Variants in ZNF416 observed in about 807,000 individuals in gnomAD.
The protein encoded by ZNF416 is zinc finger protein 416.
Under a neutral mutation model 10.9 loss-of-function variants are expected in ZNF416, and 5 were observed. The ratio of observed to expected loss-of-function variants is 0.46; its 90% confidence interval spans 0.24 to 0.97. ZNF416 has a LOEUF of 0.97. Ranked by LOEUF, ZNF416 falls within the 50% of genes least tolerant of loss-of-function variation. The pLI, the probability that ZNF416 is intolerant of heterozygous loss-of-function variation, is 0.19. For missense variants in ZNF416, 675 were observed against 715.0 expected, an observed-to-expected ratio of 0.94 and a Z score of 0.64; for synonymous variants, 267 against 251.8, an observed-to-expected ratio of 1.06 and a Z score of -0.57.
rs1386741870 is a variant in ZNF416 at position 57,573,631 on chromosome 19, G to C, written c.273C>G (p.Val91=). Residue 91 remains valine (V), a synonymous_variant, in exon 4 of 4, where the codon GTC becomes GTG. Coordinates refer to ENST00000196489, the MANE Select transcript of ZNF416 (RefSeq NM_017879.3). ...TGGATGGACTGGCCTCTGGAGTCCT[G>C]ACCTGAGGTACTCCTTCTACAGAAA... ...QSVSVEGVPQ[V]RTPEASPSTQ... is the part of the protein sequence containing the mutation. 1.2e-6 allele frequency: 2 copies of C among 1,614,042 alleles called. No homozygotes were observed. Among genetic ancestry groups the C allele is most frequent in the Non-Finnish European group, 1.7e-6 (2 of 1,180,020 alleles).
At position 57,575,826 on chromosome 19, in the gene ZNF416, G is replaced by A; in HGVS notation, c.180C>T (p.Asn60=). 6.2e-7 allele frequency: 1 copy of A among 1,614,104 alleles called. No homozygotes were observed. The highest frequency in any genetic ancestry group is 8.5e-7 in the Non-Finnish European group (1 of 1,180,012). Residue 60 remains asparagine (N), a synonymous_variant, in exon 3 of 4, where the codon AAC becomes AAT. Transcript: ENST00000196489. The surrounding 1 kb of genome is among the most constrained non-coding windows in gnomAD (Gnocchi z 4.4). ...RLLYRDVMLE[N]FALITALVCW... Reference sequence around the variant, plus strand: ...TACCCAGCGCAGTTATAAGTGCAAAGTTCTCCAGCATCACATCGCGGTACA... The same window carrying A: ...TACCCAGCGCAGTTATAAGTGCAAAATTCTCCAGCATCACATCGCGGTACA...
chr19:57,572,675 T>C lies in ZNF416; in HGVS notation c.1229A>G (p.Tyr410Cys). ...HQRIHTTARP[Y>C]ECGQCGKSFS... Reference sequence around the variant, plus strand: ...TGATTTCCCACACTGGCCACACTCATAAGGCCTTGCTGTAGTGTGAATTCT... The same window carrying C: ...TGATTTCCCACACTGGCCACACTCACAAGGCCTTGCTGTAGTGTGAATTCT... Residue 410 changes from tyrosine (Y) to cysteine (C), a missense_variant, in exon 4 of 4, where the codon TAT (tyrosine) becomes TGT (cysteine). By Grantham distance (194) the Tyr-to-Cys change is radical (BLOSUM62 -2). Coordinates refer to ENST00000196489, the MANE Select transcript of ZNF416 (RefSeq NM_017879.3). This position sits in a 1 kb window ranked among gnomAD's most constrained non-coding sequence, Gnocchi z 4.5. 1 of 1,614,186 alleles carries C rather than the reference T, an allele frequency of 6.2e-7. No homozygotes were observed. Among genetic ancestry groups the C allele is most frequent in the Non-Finnish European group, 8.5e-7 (1 of 1,180,024 alleles).
chr19:57,578,459 C>G (rs567358266), intron 1 of ZNF416: 1 of 548,638 alleles, frequency 1.8e-6, no homozygotes, highest in South Asian at 3.0e-5. Context: ...CTGGCTCAAT[C>G]GTCCCAGCAA....
rs748931977 is a variant in ZNF416, at chr19:57,573,064, G to A, written c.840C>T (p.Ser280=). ...YECSECGKSF[S]QTSHLNDHRR... ...GATGATCATTCAGATGAGAGGTTTG[G>A]CTAAAAGATTTCCCACATTCACTGC... Residue 280 remains serine, a synonymous_variant, in exon 4 of 4, where the codon AGC becomes AGT. Coordinates refer to ENST00000196489, the MANE Select transcript of ZNF416 (RefSeq NM_017879.3). 5.0e-5 allele frequency: 80 copies of A among 1,613,792 alleles called. No homozygotes were observed. Among genetic ancestry groups the A allele is most frequent in the Non-Finnish European group, 6.3e-5 (74 of 1,179,978 alleles).
chr19:57,575,571 C>T lies in ZNF416; in HGVS notation c.202+233G>A, dbSNP rs961595020. On this transcript the variant is annotated intron_variant, in intron 3 of 3. Transcript: ENST00000196489. The surrounding 1 kb of genome is among the most constrained non-coding windows in gnomAD (Gnocchi z 4.4). ...CCCAAAGAGGAAGTGAAGAAGTAAA[C>T]GGAGATGCATTAGGCTGACTCAAGA... Among the ~76,000 whole-genome samples the T allele has an allele frequency of 1.2e-4, 19 of 152,094 alleles. No homozygotes were observed. Among genetic ancestry groups the T allele is most frequent in the African/African-American group, 3.4e-4 (14 of 41,406 alleles).
intron 2 of ZNF416, among the ~76,000 whole-genome samples, 179 bp downstream of exon 2, chr19:57,577,878 G>A (rs551526103): frequency 6.6e-6 from 1 of 152,286 alleles, no homozygotes; most frequent in East Asian, 1.9e-4. Flanking sequence ...CTGGTTCCCA[G>A]CAATAGGAAC....
chr19:57,572,939 C>A lies in ZNF416; in HGVS notation c.965G>T (p.Gly322Val). ...TTCACCACACTCGTAAGGCCTTTCT[C>A]CAGTGTGAACTCTGTGATGTTTAAT... ...TLIKHHRVHTGERPYECGECG... is the reference protein window; with the variant it reads ...TLIKHHRVHTVERPYECGECG... Residue 322 changes from glycine to valine, a missense_variant, in exon 4 of 4, where the codon GGA (glycine) becomes GTA (valine). Physicochemically the swap from Gly to Val is moderately radical, Grantham distance 109 (BLOSUM62 -3). Transcript: ENST00000196489. The surrounding 1 kb of genome is among the most constrained non-coding windows in gnomAD (Gnocchi z 4.5). The A allele has an allele frequency of 6.2e-7, 1 of 1,614,130 alleles. No individual in the cohort carries two copies. Among genetic ancestry groups the A allele is most frequent in the Non-Finnish European group, 8.5e-7 (1 of 1,180,022 alleles).
In ZNF416 at chr19:57,572,473, G is replaced by A. The variant is rs781169978; in HGVS notation, c.1431C>T (p.Phe477=). 1 of 1,613,458 alleles carries A rather than the reference G, an allele frequency of 6.2e-7. No individual in the cohort carries two copies. Among genetic ancestry groups the A allele is most frequent in the Admixed American group, 1.7e-5 (1 of 59,964 alleles). Residue 477 remains phenylalanine, a synonymous_variant, in exon 4 of 4, where the codon TTC becomes TTT. Coordinates refer to ENST00000196489, the MANE Select transcript of ZNF416 (RefSeq NM_017879.3). This position sits in a 1 kb window ranked among gnomAD's most constrained non-coding sequence, Gnocchi z 4.5. ...VCGECGKAFM[F]KSKLVRHQRT... ...TCTGGTGCCTAACAAGTTTAGATTTGAACATAAAAGCTTTCCCACATTCCC... is the reference window on the plus strand; with the variant it reads ...TCTGGTGCCTAACAAGTTTAGATTTAAACATAAAAGCTTTCCCACATTCCC...
chr19:57,571,999 G>A lies in ZNF416; in HGVS notation c.*120C>T, dbSNP rs2090195640. 10 of 1,317,946 alleles carry A rather than the reference G, an allele frequency of 7.6e-6. No homozygotes were observed. In the South Asian group the frequency reaches 1.4e-4, roughly 19 times the overall value. The allele number at this position is 1,317,946 out of a possible 1,614,324, so 81.6% of individuals were successfully genotyped here. ...GACCCATCGGGAGGTCTAGAAGTAT[G>A]AGGTTTAACTTTAGGCAGACGGCTC... On this transcript the variant is annotated 3_prime_UTR_variant, in exon 4 of 4. Transcript: ENST00000196489.
intron 2 of ZNF416, among the ~76,000 whole-genome samples, chr19:57,577,322 T>C (rs1056768331): frequency 1.1e-4 from 16 of 152,234 alleles, no homozygotes; most frequent in African/African-American, 1.7e-4. Flanking sequence ...TCAAAATTTC[T>C]GATTATCTCT....
Position 57,572,358 on chromosome 19 carries a change from G to A in ZNF416, c.1546C>T (p.His516Tyr). The A allele has an allele frequency of 6.2e-7, 1 of 1,614,192 alleles. No individual in the cohort carries two copies. Among genetic ancestry groups the A allele is most frequent in the South Asian group, 1.1e-5 (1 of 91,078 alleles). The change falls in exon 4 of 4, where the codon CAC becomes TAC. Residue 516 changes from histidine (H) to tyrosine (Y), a missense_variant. Coordinates refer to ENST00000196489, the MANE Select transcript of ZNF416 (RefSeq NM_017879.3). This position sits in a 1 kb window ranked among gnomAD's most constrained non-coding sequence, Gnocchi z 4.5. The stretch of plus-strand genomic sequence containing the variant: ...CAGTCGTAAGGCCTTAATCCAGTGT[G>A]AATTTTCTGGTGTTCAACGAGGGTA... ...SYTLVEHQKI[H>Y]TGLRPYDCGQ...
chr19:57,573,331 A>AT lies in ZNF416; in HGVS notation c.572_573insA (p.Ile192TyrfsTer3), dbSNP rs775090606. The AT allele has an allele frequency of 6.2e-7, 1 of 1,614,248 alleles. No individual in the cohort carries two copies. Among genetic ancestry groups the AT allele is most frequent in the East Asian group, 2.2e-5 (1 of 44,886 alleles). ...TGTTTGGCTTCTCATAGTTAGCAAT[A>AT]GCTTGCGGCTGAAGAATGCCCAATG... On this transcript the variant is annotated frameshift_variant, in exon 4 of 4. Transcript: ENST00000196489. LOFTEE classifies it low-confidence loss of function (END_TRUNC).
At position 57,578,693 on chromosome 19, in the gene ZNF416, G is replaced by C. The variant is rs759469410; in HGVS notation, c.12C>G (p.Ala4=). The C allele has an allele frequency of 6.5e-7, 1 of 1,548,434 alleles. No individual in the cohort carries two copies. Among genetic ancestry groups the C allele is most frequent in the East Asian group, 2.5e-5 (1 of 39,696 alleles). ...TCACCGAAGTCGAATCCCTAAGCAC[G>C]GCCGCCGCCATCGGATTGTGAGCGG... MAA[A]VLRDSTSVPV... Residue 4 remains alanine, a synonymous_variant, in exon 1 of 4, where the codon GCC becomes GCG. Coordinates refer to ENST00000196489, the MANE Select transcript of ZNF416 (RefSeq NM_017879.3).
chr19:57,572,637 A>G lies in ZNF416; in HGVS notation c.1267T>C (p.Cys423Arg). 1 of 1,614,176 alleles carries G rather than the reference A, an allele frequency of 6.2e-7. No individual in the cohort carries two copies. Among genetic ancestry groups the G allele is most frequent in the Non-Finnish European group, 8.5e-7 (1 of 1,180,024 alleles). The change falls in exon 4 of 4, where the codon TGT (cysteine) becomes CGT (arginine). Residue 423 changes from cysteine to arginine, a missense_variant. Physicochemically the swap from Cys to Arg is radical, Grantham distance 180. Coordinates refer to ENST00000196489, the MANE Select transcript of ZNF416 (RefSeq NM_017879.3). The surrounding 1 kb of genome is among the most constrained non-coding windows in gnomAD (Gnocchi z 4.5). ...ATTAACTGGTGCTGAATGAGGCCACACTTTAGGCTAAATGATTTCCCACAC... is the reference window on the plus strand; with the variant it reads ...ATTAACTGGTGCTGAATGAGGCCACGCTTTAGGCTAAATGATTTCCCACAC... Reference protein sequence around the residue: ...GQCGKSFSLKCGLIQHQLIHS... With the variant: ...GQCGKSFSLKRGLIQHQLIHS...
At chr19:57,576,161 G>C (rs932333514) in intron 2 of ZNF416, among the ~76,000 whole-genome samples, 2 of 152,090 alleles carry the variant, frequency 1.3e-5, no homozygotes, top group African/African-American at 4.8e-5. Flanking sequence ...TTAAACTCTG[G>C]GTCTAGCATA....
chr19:57,574,652 A>C (rs751814077), intron 3 of ZNF416, among the ~76,000 whole-genome samples: 7 of 152,224 alleles, frequency 4.6e-5, no homozygotes, highest in Non-Finnish European at 7.3e-5. Context: ...GCTGCTTGGC[A>C]GTAGTGGGCC....
At chr19:57,573,759 C>T (rs1978420618) in intron 3 of ZNF416, 58 bp from the exon 4 acceptor site, 6 of 1,536,550 alleles carry the variant, frequency 3.9e-6, no homozygotes, top group Non-Finnish European at 1.7e-6. Flanking sequence ...GTGTATTAGT[C>T]ATTTAAAAAA....
chr19:57,573,968 G>C (rs1337090516), intron 3 of ZNF416, among the ~76,000 whole-genome samples: 1 of 152,100 alleles, frequency 6.6e-6, no homozygotes, highest in Admixed American at 6.5e-5. Flanking sequence ...AGGTTGCAGT[G>C]AGCCCAGATC....
intron 1 of ZNF416, chr19:57,578,420 C>T: frequency 3.8e-6 from 2 of 529,094 alleles, no homozygotes; most frequent in Non-Finnish European, 3.3e-6. Context: ...AAGAAAGAGC[C>T]TCATTTTACC....
Sources: gnomAD v4.1 joint callset for allele counts (sites outside exome capture counted in the v4.1 genomes callset) on GRCh38, gnomAD v4.1.1 for gene constraint, Gnocchi (gnomAD v3.1) non-coding constraint, MANE v1.5 for transcripts, NCBI Gene and HGNC (gene_info 2026-07-23, HGNC 2026-07-21) for gene names.